The following CDH23 variants were observed in gnomAD, a reference collection of about 807,000 sequenced individuals.
CDH23 encodes the protein cadherin-23.
Under a neutral mutation model 317.1 loss-of-function variants are expected in CDH23, and 189 were observed. That is an observed-to-expected ratio of 0.60 (90% confidence interval 0.53 to 0.67). CDH23 has a LOEUF of 0.67. Ranked by LOEUF, CDH23 falls within the 30% of genes least tolerant of loss-of-function variation. The pLI, the probability that CDH23 is intolerant of heterozygous loss-of-function variation, is 0.00. For synonymous variants in CDH23, 1,839 were observed against 1,876.8 expected (o/e 0.98, Z 0.52); for missense variants, 4,401 against 4,592.4 (o/e 0.96, Z 1.20).
chr10:71,714,059 A>C (rs1440438296), intron 28 of CDH23: 2 of 152,172 alleles, frequency 1.3e-5, no homozygotes, highest in Non-Finnish European at 2.9e-5. Context: ...GGCAGCCCTG[A>C]GTTCTCCCAT....
At chr10:71,717,283 A>C (rs772647647) in intron 28 of CDH23, 9 of 152,196 alleles carry the variant, frequency 5.9e-5, no homozygotes, top group Non-Finnish European at 1.0e-4. Context: ...CCAAGGCCAC[A>C]TTGTGAGCCA....
At chr10:71,501,509 C>T (rs1311173715) in intron 3 of CDH23, among the ~76,000 whole-genome samples, 8 of 152,170 alleles carry the variant, frequency 5.3e-5, no homozygotes, top group Admixed American at 6.5e-5. Context: ...CAGGAGAGAA[C>T]CGGCCAGTGT....
intron 18 of CDH23, among the ~76,000 whole-genome samples, chr10:71,686,814 G>A (rs564615356): frequency 6.6e-6 from 1 of 152,266 alleles, no homozygotes; most frequent in African/African-American, 2.4e-5. Flanking sequence ...GAAGCAGGGA[G>A]GAATTCTTGT....
At position 71,397,862 on chromosome 10, in the gene CDH23, C is replaced by A. The variant is rs1458032479; in HGVS notation, c.-6+544C>A. Among the ~76,000 whole-genome samples, 9 of 152,146 alleles carry A rather than the reference C, an allele frequency of 5.9e-5. No individual in the cohort carries two copies. The East Asian group carries it at 1.7e-3, about 29-fold the overall frequency. On this transcript the variant is annotated intron_variant, in intron 1 of 69. Coordinates refer to ENST00000224721, the MANE Select transcript of CDH23 (RefSeq NM_022124.6). The surrounding 1 kb of genome is among the most constrained non-coding windows in gnomAD (Gnocchi z 4.8). ...TCAAGTCCCTGTGCCCGCGGGAGAC[C>A]CCAGGGGACTTACACATCCTCCCAA...
chr10:71,430,068 A>C (rs544522109), intron 1 of CDH23, among the ~76,000 whole-genome samples: 1 of 152,328 alleles, frequency 6.6e-6, no homozygotes, highest in Admixed American at 6.5e-5. Context: ...CCACAGGGTC[A>C]GGGCACAGGG....
At position 71,677,666 on chromosome 10, in the gene CDH23, T is replaced by G; in HGVS notation, c.1725T>G (p.Pro575=). The change falls in exon 16 of 70, where the codon CCT becomes CCG. Residue 575 remains proline (P), a synonymous_variant. Coordinates refer to ENST00000224721, the MANE Select transcript of CDH23 (RefSeq NM_022124.6). Reference sequence around the variant, plus strand: ...TGGGTGCTCTGCGGGAGAACGAGCCTTCTGTCACACAGCTGGTGCGGCTCC... The same window carrying G: ...TGGGTGCTCTGCGGGAGAACGAGCCGTCTGTCACACAGCTGGTGCGGCTCC... ...AYVGALRENE[P]SVTQLVRLRA... 1 of 1,571,364 alleles carries G rather than the reference T, an allele frequency of 6.4e-7. No individual in the cohort carries two copies. The highest frequency in any genetic ancestry group is 8.6e-7 in the Non-Finnish European group (1 of 1,158,588).
At chr10:71,685,633 C>T (rs1864843534) in intron 18 of CDH23, among the ~76,000 whole-genome samples, 1 of 152,208 alleles carries the variant, frequency 6.6e-6, no homozygotes, top group African/African-American at 2.4e-5. Context: ...TTTCAAATTC[C>T]CTCAAAGCCA....
intron 38 of CDH23, chr10:71,761,469 A>G (rs1840382434): frequency 8.8e-7 from 1 of 1,136,504 alleles, no homozygotes; most frequent in Non-Finnish European, 1.2e-6. Context: ...TCTCACCCAC[A>G]CACTCCCTGG....
chr10:71,642,393 CTTTTT>C (rs781291264), intron 11 of CDH23, among the ~76,000 whole-genome samples: 2 of 85,390 alleles, frequency 2.3e-5, no homozygotes, highest in Admixed American at 1.5e-4. Flanking sequence ...GGCCCGGCCT[CTTTTT>C]TTTTTTTTTT....
intron 11 of CDH23, chr10:71,635,344 TAC>T (rs1862215140): frequency 1.3e-5 from 2 of 152,588 alleles, no homozygotes; most frequent in Non-Finnish European, 2.9e-5. Flanking sequence ...AGACAGATAA[TAC>T]ACACATCCGC....
At chr10:71,698,637 T>C (rs1324114857) in intron 22 of CDH23, among the ~76,000 whole-genome samples, 2 of 152,206 alleles carry the variant, frequency 1.3e-5, no homozygotes, top group East Asian at 1.9e-4. Context: ...CTTTCCTCCC[T>C]GACCCCTGCT....
chr10:71,695,985 G>A (rs901109327), intron 22 of CDH23, among the ~76,000 whole-genome samples: 2 of 152,236 alleles, frequency 1.3e-5, no homozygotes, highest in Admixed American at 1.3e-4. Flanking sequence ...CGGCTGCCCA[G>A]CAGGGGTTTT....
At chr10:71,681,327 T>C (rs1204370968) in intron 17 of CDH23, among the ~76,000 whole-genome samples, 1 of 152,126 alleles carries the variant, frequency 6.6e-6, no homozygotes. Context: ...CAAGCCAATA[T>C]ACCTTCCCTC....
chr10:71,443,431 C>G (rs1055364972), intron 2 of CDH23, among the ~76,000 whole-genome samples: 3 of 152,236 alleles, frequency 2.0e-5, no homozygotes, highest in Non-Finnish European at 4.4e-5. Flanking sequence ...GTGGGAAATG[C>G]TTGTCATTCA....
intron 38 of CDH23, among the ~76,000 whole-genome samples, chr10:71,763,899 G>A (rs182673827): frequency 5.9e-5 from 9 of 152,290 alleles, no homozygotes; most frequent in South Asian, 4.2e-4. Flanking sequence ...CTTGTGATCC[G>A]ATCCTGGGGC....
chr10:71,538,550 A>G (rs563540769), intron 6 of CDH23, among the ~76,000 whole-genome samples: 1 of 151,600 alleles, frequency 6.6e-6, no homozygotes, highest in Non-Finnish European at 1.5e-5. Flanking sequence ...TGTCCAACAT[A>G]TTTTTTTTTC....
chr10:71,648,002 C>G (rs7079797), intron 14 of CDH23: 45,149 of 152,040 alleles, frequency 0.3, 7,201 homozygotes, highest in African/African-American at 0.41. Context: ...ACCAAGACCC[C>G]GCTCCGAAGT....
chr10:71,660,015 C>T (rs1042961546), intron 14 of CDH23, among the ~76,000 whole-genome samples: 4 of 140,602 alleles, frequency 2.8e-5, no homozygotes, highest in African/African-American at 1.1e-4. Context: ...GGCTGGAGTA[C>T]CATAGTGCGA....
chr10:71,739,176 T>TAAC (rs1242975369), intron 35 of CDH23, among the ~76,000 whole-genome samples: 5 of 152,226 alleles, frequency 3.3e-5, no homozygotes, highest in African/African-American at 1.2e-4. Context: ...CAAAAGTGTG[T>TAAC]AGGTTCAGAC....
Sources: gnomAD v4.1 joint callset for allele counts (sites outside exome capture counted in the v4.1 genomes callset) on GRCh38, gnomAD v4.1.1 for gene constraint, Gnocchi (gnomAD v3.1) non-coding constraint, MANE v1.5 for transcripts, NCBI Gene and HGNC (gene_info 2026-07-23, HGNC 2026-07-21) for gene names.